MDN1: variants seen among roughly 807,000 people sequenced by gnomAD.
MDN1 encodes midasin AAA ATPase 1.
In MDN1, 266 loss-of-function variants were observed where a neutral mutation model predicts 669.2. The observed-to-expected ratio is 0.40, with a 90% CI of 0.36 to 0.44. The LOEUF (loss-of-function observed/expected upper bound fraction) is 0.44, where lower values mean the gene tolerates loss of function less well. MDN1 is among the 20% of genes least tolerant of loss of function. MDN1 has a pLI of 1.00. For missense variants in MDN1, 5,940 were observed against 6,754.0 expected, an observed-to-expected ratio of 0.88 and a Z score of 4.22; for synonymous variants, 2,385 against 2,457.1, an observed-to-expected ratio of 0.97 and a Z score of 0.87.
In MDN1 at chr6:89,725,386, G is replaced by A. The variant is rs374546366; in HGVS notation, c.5483C>T (p.Ala1828Val). ...HWVVLDELNLASQSVLEGLNA... is the reference protein window; with the variant it reads ...HWVVLDELNLVSQSVLEGLNA... ...GAGTCCTTCCAATACAGACTGAGAA[G>A]CCAGGTTAAGCTATTTAAAGAAGAA... Residue 1828 changes from alanine to valine, a missense_variant, in exon 38 of 102, where the codon GCT becomes GTT. By Grantham distance (64) the Ala-to-Val change is moderately conservative. This residue lies in a region of MDN1 where 2,292 missense variants were observed against 2,638.3 expected (regional missense o/e 0.87). Transcript: ENST00000369393. The A allele has an allele frequency of 5.6e-6, 9 of 1,612,980 alleles. No individual in the cohort carries two copies. In the Admixed American group the frequency reaches 6.7e-5, roughly 12 times the overall value.
Position 89,756,338 on chromosome 6 carries a change from G to C in MDN1, c.2755C>G (p.Leu919Val). 6.2e-7 allele frequency: 1 copy of C among 1,603,740 alleles called. No homozygotes were observed. The change falls in exon 20 of 102, where the codon CTT (leucine) becomes GTT (valine). Residue 919 changes from leucine (L) to valine (V), a missense_variant. This residue lies in a region of MDN1 where 1,203 missense variants were observed against 1,268.9 expected (regional missense o/e 0.95). Transcript: ENST00000369393. ...AATCCTTTCAGATAATCTACAATAA[G>C]AACCTGTAAGTCTTCTTTGCTTTCT... ...ELESKEDLQV[L>V]IVDYLKGLSV...
intron 20 of MDN1, among the ~76,000 whole-genome samples, chr6:89,755,674 C>T (rs1454802506): frequency 2.0e-5 from 3 of 152,164 alleles, no homozygotes; most frequent in Non-Finnish European, 2.9e-5. Context: ...CTGGAGAACA[C>T]ACAATTAAGT....
chr6:89,687,294 A>G (rs758990829), intron 68 of MDN1, 50 bp downstream of exon 68: 33 of 1,518,714 alleles, frequency 2.2e-5, no homozygotes, highest in Non-Finnish European at 2.9e-5. Context: ...CTACCAAAAG[A>G]CAAAAGCCCT....
Position 89,683,899 on chromosome 6 carries a change from A to G in MDN1, c.11835T>C (p.Phe3945=), listed in dbSNP as rs1423488151. The G allele has an allele frequency of 6.2e-7, 1 of 1,610,238 alleles. No individual in the cohort carries two copies. The change falls in exon 72 of 102, where the codon TTT becomes TTC. Residue 3945 remains phenylalanine (F), a synonymous_variant. Transcript: ENST00000369393. ...RSPLEKELKE[F]VKISKWNDVS... ...CATCATTCCACTTGGAAATCTTAACAAATTCCTGTAAGATAAATGATGTTC... is the reference window on the plus strand; with the variant it reads ...CATCATTCCACTTGGAAATCTTAACGAATTCCTGTAAGATAAATGATGTTC...
intron 85 of MDN1, among the ~76,000 whole-genome samples, chr6:89,663,492 T>G (rs1173337758): frequency 6.6e-6 from 1 of 152,252 alleles, no homozygotes; most frequent in African/African-American, 2.4e-5. Context: ...ATATTCATTT[T>G]AGAGTAAGAT....
At chr6:89,727,753 T>C (rs1244185770) in intron 37 of MDN1, 80 bp downstream of exon 37, 4 of 1,605,486 alleles carry the variant, frequency 2.5e-6, no homozygotes, top group East Asian at 2.2e-5. Flanking sequence ...GAGAAATGGA[T>C]TGTGAAATGG....
intron 8 of MDN1, among the ~76,000 whole-genome samples, chr6:89,787,077 G>GA (rs35019952): frequency 0.51 from 74,092 of 144,810 alleles, 18,719 homozygotes; most frequent in East Asian, 0.68. Context: ...CCCATTTCAA[G>GA]AAAAAAAAAA....
rs1811277024 is a variant in MDN1, at chr6:89,677,504, A to G, written c.12539+66T>C. 2.5e-6 allele frequency: 4 copies of G among 1,595,502 alleles called. No homozygotes were observed. The South Asian group carries it at 4.5e-5, about 18-fold the overall frequency. ...CTATTTTTGCAATGTGCAAATGAGG[A>G]CAAGGAGTTCTAAATTACTTGCTCC... On this transcript the variant is annotated intron_variant, in intron 76 of 101. Coordinates refer to ENST00000369393, the MANE Select transcript of MDN1 (RefSeq NM_014611.3).
chr6:89,787,757 T>C (rs748002463), intron 8 of MDN1, 97 bp downstream of exon 8: 25 of 808,910 alleles, frequency 3.1e-5, no homozygotes, highest in African/African-American at 5.2e-5. Context: ...TTGCTTGAAG[T>C]AGACCCAGAG....
Position 89,662,861 on chromosome 6 carries a change from A to G in MDN1, c.14343T>C (p.Asp4781=). The G allele has an allele frequency of 6.2e-7, 1 of 1,613,684 alleles. No homozygotes were observed. Among genetic ancestry groups the G allele is most frequent in the Non-Finnish European group, 8.5e-7 (1 of 1,179,934 alleles). The change falls in exon 86 of 102, where the codon GAT becomes GAC. Residue 4781 remains aspartate (D), a synonymous_variant. Transcript: ENST00000369393. ...ADKLDERLWG[D]DDEEEDEEEE... Reference sequence around the variant, plus strand: ...CCTCCTCATCTTCCTCCTCATCATCATCACCCCAAAGCCTCTCATCTAGTT... The same window carrying G: ...CCTCCTCATCTTCCTCCTCATCATCGTCACCCCAAAGCCTCTCATCTAGTT...
In MDN1 at chr6:89,714,796, G is replaced by A. The variant is rs750028869; in HGVS notation, c.6861-45C>T. 3 of 1,524,988 alleles carry A rather than the reference G, an allele frequency of 2.0e-6. No individual in the cohort carries two copies. The East Asian group carries it at 6.9e-5, about 35-fold the overall frequency. 94.5% of individuals were successfully genotyped at this position (1,524,988 alleles called of 1,614,324 possible). ...AAGAAAAAAATGATTTTAAATCCCAGTGCAACCAAAGGTGTAGCTCAGCAT... is the reference window on the plus strand; with the variant it reads ...AAGAAAAAAATGATTTTAAATCCCAATGCAACCAAAGGTGTAGCTCAGCAT... On this transcript the variant is annotated intron_variant, in intron 45 of 101. Transcript: ENST00000369393.
rs563581686 is a variant in MDN1, at chr6:89,672,597, T to A, written c.13580A>T (p.Asn4527Ile). Residue 4527 changes from asparagine to isoleucine, a missense_variant, in exon 81 of 102, where the codon AAT becomes ATT. Coordinates refer to ENST00000369393, the MANE Select transcript of MDN1 (RefSeq NM_014611.3). ...GTCAGTGTTCTCCTCTGCTTTTTCA[T>A]TCTTTCTTTCTTCTAAGTTCTGGAT... is the stretch of plus-strand genomic sequence containing the variant. ...CAIQNLEERK[N>I]EKAEENTDQA... The A allele has an allele frequency of 6.2e-7, 1 of 1,614,206 alleles. No individual in the cohort carries two copies. Among genetic ancestry groups the A allele is most frequent in the African/African-American group, 1.3e-5 (1 of 75,072 alleles).
intron 93 of MDN1, among the ~76,000 whole-genome samples, 172 bp from the exon 94 acceptor site, chr6:89,653,327 AC>A (rs1214268506): frequency 6.6e-6 from 1 of 152,148 alleles, no homozygotes; most frequent in East Asian, 1.9e-4. Context: ...CTCATTGCCA[AC>A]CCTTACTCTC....
At chr6:89,743,764 T>A in intron 29 of MDN1, 50 bp from the exon 30 acceptor site, 1 of 1,493,264 alleles carries the variant, frequency 6.7e-7, no homozygotes, top group Non-Finnish European at 8.9e-7. Flanking sequence ...CAAATACACA[T>A]CCATAAACAC....
At chr6:89,660,644 CTTTG>C (rs10581378) in intron 88 of MDN1, among the ~76,000 whole-genome samples, 127,215 of 151,556 alleles carry the variant, frequency 0.84, 53,592 homozygotes, top group East Asian at 1. Flanking sequence ...TGGTAATTGA[CTTTG>C]TTTGCAACTA....
rs1809255448 is a variant in MDN1 at position 89,655,958 on chromosome 6, C to A, written c.15296G>T (p.Arg5099Met). ...HTRKNTQSFKRKPGQADNERS... is the reference protein window; with the variant it reads ...HTRKNTQSFKMKPGQADNERS... ...TTCATTGTCAGCCTGCCCAGGTTTC[C>A]TCTTAAAACTCTGAGAAATACAAGG... is the stretch of plus-strand genomic sequence containing the variant. Residue 5099 changes from arginine (R) to methionine (M), a missense_variant, in exon 92 of 102, where the codon AGG (arginine) becomes ATG (methionine). By Grantham distance (91) the Arg-to-Met change is moderately conservative. This residue lies in a region of MDN1 where 2,280 missense variants were observed against 2,576.3 expected (regional missense o/e 0.88). Coordinates refer to ENST00000369393, the MANE Select transcript of MDN1 (RefSeq NM_014611.3). 6.2e-7 allele frequency: 1 copy of A among 1,613,344 alleles called. No homozygotes were observed. Among genetic ancestry groups the A allele is most frequent in the Admixed American group, 1.7e-5 (1 of 59,966 alleles).
intron 11 of MDN1, among the ~76,000 whole-genome samples, chr6:89,779,492 G>GTGAAC (rs1283893842): frequency 6.6e-6 from 1 of 152,140 alleles, no homozygotes; most frequent in Non-Finnish European, 1.5e-5. Flanking sequence ...CTTACAAAGA[G>GTGAAC]GTTCAGTCAA....
At chr6:89,707,314 T>G (rs1158059247) in intron 52 of MDN1, 47 bp downstream of exon 52, 1 of 1,317,970 alleles carries the variant, frequency 7.6e-7, no homozygotes, top group Middle Eastern at 1.8e-4. Context: ...AGCAACATTA[T>G]GCAATCAGAT....
chr6:89,778,233 C>T (rs898068030), intron 11 of MDN1, among the ~76,000 whole-genome samples: 2 of 150,272 alleles, frequency 1.3e-5, no homozygotes, highest in African/African-American at 4.9e-5. Flanking sequence ...AACAGGCCCC[C>T]AATACTGCAA....
Sources: gnomAD v4.1 joint callset for allele counts (sites outside exome capture counted in the v4.1 genomes callset) on GRCh38, gnomAD v4.1.1 for gene constraint, gnomAD v4.1.1 regional missense constraint, MANE v1.5 for transcripts, NCBI Gene and HGNC (gene_info 2026-07-23, HGNC 2026-07-21) for gene names.